The following HYDIN variants were observed in gnomAD, a reference collection of about 807,000 sequenced individuals.
The protein encoded by HYDIN is HYDIN axonemal central pair apparatus protein, also known as axonemal central pair apparatus protein HYDIN.
In HYDIN, 132 loss-of-function variants were observed where a neutral mutation model predicts 403.9. That is an observed-to-expected ratio of 0.33 (90% confidence interval 0.28 to 0.38). The LOEUF (loss-of-function observed/expected upper bound fraction) is 0.38. HYDIN is among the 10% of genes least tolerant of loss of function. The pLI, the probability that HYDIN is intolerant of heterozygous loss-of-function variation, is 1.00. For synonymous variants in HYDIN, 1,202 were observed against 1,891.7 expected, an observed-to-expected ratio of 0.64 and a Z score of 9.46; for missense variants, 2,827 against 5,009.5, an observed-to-expected ratio of 0.56 and a Z score of 13.15.
At chr16:70,927,941 C>A (rs543719982) in intron 45 of HYDIN, among the ~76,000 whole-genome samples, 23 of 150,176 alleles carry the variant, frequency 1.5e-4, no homozygotes, top group Non-Finnish European at 3.1e-4. Flanking sequence ...TGCCAAAGAA[C>A]CTGTACCTAA....
intron 10 of HYDIN, among the ~76,000 whole-genome samples, chr16:71,106,741 T>C (rs930894475): frequency 9.3e-5 from 14 of 151,010 alleles, no homozygotes; most frequent in Middle Eastern, 3.4e-3. Context: ...AGTAGCAACA[T>C]AGATGAGACA....
In HYDIN at chr16:70,908,343, T is replaced by C. The variant is rs758935978; in HGVS notation, c.8305A>G (p.Thr2769Ala). 4 of 1,377,804 alleles carry C rather than the reference T, an allele frequency of 2.9e-6. No homozygotes were observed. In the African/African-American group the frequency reaches 4.3e-5, roughly 15 times the overall value. The allele number at this position is 1,377,804 out of a possible 1,614,324, so 85.3% of individuals were successfully genotyped here. A position where few individuals can be genotyped will look rare whatever the true frequency, so the allele number is the denominator to read the frequency against. The change falls in exon 49 of 86, where the codon ACC (threonine) becomes GCC (alanine). Residue 2769 changes from threonine (T) to alanine (A), a missense_variant. Physicochemically the swap from Thr to Ala is moderately conservative, Grantham distance 58. Coordinates refer to ENST00000393567, the MANE Select transcript of HYDIN (RefSeq NM_001270974.2). ...GTTCCTAGGATCTCAAAGTTAAAGGTTTGGTCAAAGTTCCCGAACTCATCA... is the reference window on the plus strand; with the variant it reads ...GTTCCTAGGATCTCAAAGTTAAAGGCTTGGTCAAAGTTCCCGAACTCATCA... ...SSDEFGNFDQ[T>A]FNFEILGTCC... is the part of the protein sequence containing the mutation.
chr16:71,009,545 G>C (rs2080006348), intron 23 of HYDIN, among the ~76,000 whole-genome samples: 1 of 152,106 alleles, frequency 6.6e-6, no homozygotes, highest in Non-Finnish European at 1.5e-5. Context: ...TTGGATAAGG[G>C]ACAGCCTCAA....
At chr16:71,070,070 G>A (rs2082412773) in intron 13 of HYDIN, among the ~76,000 whole-genome samples, 1 of 152,100 alleles carries the variant, frequency 6.6e-6, no homozygotes, top group South Asian at 2.1e-4. Context: ...CCTTTCCCAA[G>A]AGAGACTTTA....
At chr16:71,222,213 T>G (rs1376639651) in intron 1 of HYDIN, among the ~76,000 whole-genome samples, 2 of 151,950 alleles carry the variant, frequency 1.3e-5, no homozygotes, top group Non-Finnish European at 2.9e-5. Flanking sequence ...ATATATCACA[T>G]AAACAAAATT....
At chr16:70,835,368 T>C (rs945130892) in intron 78 of HYDIN, among the ~76,000 whole-genome samples, 4 of 151,856 alleles carry the variant, frequency 2.6e-5, no homozygotes, top group Non-Finnish European at 4.4e-5. Flanking sequence ...TGAACGAAAA[T>C]AGAGAACTGG....
At chr16:71,191,478 T>G (rs752236821) in intron 1 of HYDIN, among the ~76,000 whole-genome samples, 1 of 151,714 alleles carries the variant, frequency 6.6e-6, no homozygotes, top group South Asian at 2.1e-4. Context: ...AAAAAAAAAT[T>G]GAAAAATTTA....
intron 19 of HYDIN, among the ~76,000 whole-genome samples, chr16:71,029,252 G>A (rs1220886756): frequency 7.1e-6 from 1 of 141,616 alleles, no homozygotes; most frequent in African/African-American, 2.6e-5. Flanking sequence ...TAAGAAATGG[G>A]CATGGCTGTG....
intron 10 of HYDIN, among the ~76,000 whole-genome samples, chr16:71,115,204 T>C (rs1247354239): frequency 6.6e-6 from 1 of 151,926 alleles, no homozygotes; most frequent in Non-Finnish European, 1.5e-5. Flanking sequence ...CTTGTTGTTT[T>C]TGTGATAGTG....
intron 41 of HYDIN, among the ~76,000 whole-genome samples, chr16:70,946,550 G>A (rs554232452): frequency 6.6e-6 from 1 of 152,276 alleles, no homozygotes; most frequent in Admixed American, 6.5e-5. Flanking sequence ...GCTTGAGAGT[G>A]TGGTGAAGGG....
chr16:70,835,438 A>G (rs1250469434), intron 78 of HYDIN, among the ~76,000 whole-genome samples: 2 of 152,242 alleles, frequency 1.3e-5, no homozygotes, highest in Non-Finnish European at 1.5e-5. Flanking sequence ...GGAAAATGAA[A>G]TGAAAATGCA....
rs770258971 is a variant in HYDIN at position 70,992,141 on chromosome 16, T to C, written c.3714A>G (p.Ser1238=). 23 of 1,612,186 alleles carry C rather than the reference T, an allele frequency of 1.4e-5. 1 individual carries two copies. The South Asian group carries it at 2.5e-4, about 18-fold the overall frequency. The change falls in exon 24 of 86, where the codon TCA becomes TCG. Residue 1238 remains serine (S), a synonymous_variant. Coordinates refer to ENST00000393567, the MANE Select transcript of HYDIN (RefSeq NM_001270974.2). ...GGATTGCTGGTGGGCTGGCAGCCTC[T>C]GAGGTTGCTGGGATGGACTCCATCT... ...VSQMESIPAT[S]EAASPPAILV...
intron 68 of HYDIN, among the ~76,000 whole-genome samples, chr16:70,862,819 G>A (rs556796923): frequency 1.3e-5 from 2 of 151,244 alleles, no homozygotes; most frequent in Non-Finnish European, 2.9e-5. Context: ...TCTCCCACAA[G>A]GTTAAGACCT....
chr16:70,978,263 CA>C (rs1353993076), intron 30 of HYDIN, among the ~76,000 whole-genome samples: 2 of 151,098 alleles, frequency 1.3e-5, no homozygotes, highest in Non-Finnish European at 3.0e-5. Context: ...AAGTCTTGAC[CA>C]TTCCACTTCT....
At chr16:70,929,961 A>G (rs1378162569) in intron 45 of HYDIN, among the ~76,000 whole-genome samples, 1 of 152,262 alleles carries the variant, frequency 6.6e-6, no homozygotes, top group Non-Finnish European at 1.5e-5. Context: ...ATGAACAACC[A>G]GCAAACTGAT....
chr16:70,832,747 T>C, intron 80 of HYDIN, 101 bp downstream of exon 80: 2 of 835,370 alleles, frequency 2.4e-6, no homozygotes, highest in Non-Finnish European at 3.9e-6. Flanking sequence ...ACAGGCCTCG[T>C]GGAGGGAGGG....
intron 65 of HYDIN, among the ~76,000 whole-genome samples, chr16:70,870,523 T>C (rs2143649206): frequency 6.7e-6 from 1 of 149,840 alleles, no homozygotes; most frequent in East Asian, 2.0e-4. Flanking sequence ...AGGACATGGC[T>C]GCAGAGGGTG....
At chr16:70,892,595 G>A in intron 55 of HYDIN, 66 bp from the exon 56 acceptor site, 1 of 1,534,080 alleles carries the variant, frequency 6.5e-7, no homozygotes, top group Middle Eastern at 1.8e-4. Flanking sequence ...CCAGAGAGGA[G>A]ACTCTAGATG....
chr16:71,154,919 G>A (rs555505899), intron 6 of HYDIN, among the ~76,000 whole-genome samples: 1 of 129,392 alleles, frequency 7.7e-6, no homozygotes, highest in East Asian at 2.4e-4. Flanking sequence ...GATTAAAGGG[G>A]TTGATATAGG....
Sources: gnomAD v4.1 joint callset for allele counts (sites outside exome capture counted in the v4.1 genomes callset) on GRCh38, gnomAD v4.1.1 for gene constraint, MANE v1.5 for transcripts, NCBI Gene and HGNC (gene_info 2026-07-23, HGNC 2026-07-21) for gene names.